Variants in POGLUT2 observed in about 807,000 individuals in gnomAD.
POGLUT2 encodes ER protein 58.
A neutral mutation model predicts 57.6 loss-of-function variants in POGLUT2; 47 were observed. The observed-to-expected ratio is 0.82, with a 90% confidence interval of 0.65 to 1.04. The LOEUF is 1.04. POGLUT2 is among the 50% of genes least tolerant of loss of function. The pLI is 0.00. For synonymous variants in POGLUT2, 200 were observed against 218.8 expected (o/e 0.91, Z 0.76); for missense variants, 565 against 614.8 (o/e 0.92, Z 0.86).
At chr13:102,785,121 A>T (rs1351113113) in intron 9 of POGLUT2, among the ~76,000 whole-genome samples, 1 of 152,228 alleles carries the variant, frequency 6.6e-6, no homozygotes, top group Non-Finnish European at 1.5e-5. Flanking sequence ...TGAGTTCTAT[A>T]AAAAACAAAG....
Position 102,798,535 on chromosome 13 carries a change from G to A in POGLUT2, c.136C>T (p.Pro46Ser), listed in dbSNP as rs955751312. 9.3e-6 allele frequency: 15 copies of A among 1,612,460 alleles called. No individual in the cohort carries two copies. The highest frequency in any genetic ancestry group is 1.7e-5 in the Admixed American group (1 of 59,858). ...GCCTGAATATAGAAATAGCGGGCGGGAAGGACGACGTCTGCTTTTAGCCCG... is the reference window on the plus strand; with the variant it reads ...GCCTGAATATAGAAATAGCGGGCGGAAAGGACGACGTCTGCTTTTAGCCCG... ...GPGLKADVVL[P>S]ARYFYIQAVD... Residue 46 changes from proline (P) to serine (S), a missense_variant, in exon 1 of 10, where the codon CCC becomes TCC. Transcript: ENST00000376004.
At chr13:102,796,293 CA>C (rs151064207) in intron 2 of POGLUT2, among the ~76,000 whole-genome samples, 1,974 of 100,684 alleles carry the variant, frequency 0.02, 47 homozygotes, top group African/African-American at 0.052. Context: ...GACTCTGCCT[CA>C]AAAAAAAAAA....
At chr13:102,793,553 A>C (rs775715783) in intron 3 of POGLUT2, 48 bp downstream of exon 3, 2 of 1,536,384 alleles carry the variant, frequency 1.3e-6, no homozygotes, top group Non-Finnish European at 1.8e-6. Context: ...TGTTCAAAAC[A>C]AGAAAAAAAA....
Position 102,786,244 on chromosome 13 carries a change from GCAAGTA to G in POGLUT2, c.1473_1478del (p.Thr492_Cys493del). 3.7e-6 allele frequency: 6 copies of G among 1,609,382 alleles called. No homozygotes were observed. Among genetic ancestry groups the G allele is most frequent in the Non-Finnish European group, 5.1e-6 (6 of 1,175,818 alleles). ...CAGTTCTGGTTACCTTTTTCCTATG[GCAAGTA>G]CAAGGGAAGAGGTCGTCCTCAGTCT... On this transcript the variant is annotated inframe_deletion, in exon 9 of 10. Transcript: ENST00000376004.
At chr13:102,792,279 G>C (rs1295476570) in intron 4 of POGLUT2, 1 of 198,060 alleles carries the variant, frequency 5.0e-6, no homozygotes, top group Non-Finnish European at 9.1e-6. Flanking sequence ...TATACATTTG[G>C]TAAAAATGTT....
Position 102,793,598 on chromosome 13 carries a change from T to A in POGLUT2, c.594+3A>T, listed in dbSNP as rs1475238052. The A allele has an allele frequency of 1.2e-6, 2 of 1,610,830 alleles. No homozygotes were observed. Among genetic ancestry groups the A allele is most frequent in the African/African-American group, 1.3e-5 (1 of 74,996 alleles). On this transcript the variant is annotated splice_donor_region_variant and intron_variant, in intron 3 of 9. Coordinates refer to ENST00000376004, the MANE Select transcript of POGLUT2 (RefSeq NM_024089.3). The stretch of plus-strand genomic sequence containing the variant: ...CAAACAAGCAAAAAATCATGTGTTG[T>A]ACCTTGTTATCCTTTAAGGTGTAGT...
rs775805878 is a variant in POGLUT2 at position 102,789,029 on chromosome 13, T to C, written c.1276A>G (p.Lys426Glu). 1.2e-6 allele frequency: 2 copies of C among 1,613,876 alleles called. No individual in the cohort carries two copies. ...SDLLEKLKWAKDHDEEAKKIA... is the reference protein window; with the variant it reads ...SDLLEKLKWAEDHDEEAKKIA... ...AACCTTACCTCTTCATCGTGATCTT[T>C]CGCCCATTTAAGTTTTTCTAGCAGA... The change falls in exon 7 of 10, where the codon AAA becomes GAA. Residue 426 changes from lysine (K) to glutamate (E), a missense_variant. By Grantham distance (56) the Lys-to-Glu change is moderately conservative. Transcript: ENST00000376004.
rs769547050 is a variant in POGLUT2, at chr13:102,793,826, A to G, written c.389-20T>C. On this transcript the variant is annotated intron_variant, in intron 2 of 9. Transcript: ENST00000376004. ...CCGGCCCTATTTACATAAGAATAACAAAGTACAACAGTGATCATTTCACTC... is the reference window on the plus strand; with the variant it reads ...CCGGCCCTATTTACATAAGAATAACGAAGTACAACAGTGATCATTTCACTC... The G allele has an allele frequency of 3.5e-5, 55 of 1,593,476 alleles. No individual in the cohort carries two copies. The highest frequency in any genetic ancestry group is 4.5e-5 in the Non-Finnish European group (52 of 1,161,368).
rs139056294 is a variant in POGLUT2 at position 102,793,405 on chromosome 13, G to A, written c.608C>T (p.Thr203Ile). 6.9e-5 allele frequency: 109 copies of A among 1,589,328 alleles called. No homozygotes were observed. Among genetic ancestry groups the A allele is most frequent in the Non-Finnish European group, 9.3e-5 (108 of 1,158,550 alleles). The change falls in exon 4 of 10, where the codon ACT becomes ATT. Residue 203 changes from threonine to isoleucine, a missense_variant. Transcript: ENST00000376004. ...TLKDNKVYIK[T>I]HGEHVGFRIF... ...TCTAAAACCTACATGTTCACCATGA[G>A]TCTTGATATAAACCTAAAAGAGAAT...
At chr13:102,792,130 T>TCTG in intron 4 of POGLUT2, 1 of 1,249,900 alleles carries the variant, frequency 8.0e-7, no homozygotes, top group Non-Finnish European at 1.0e-6. Flanking sequence ...TGATGCTATA[T>TCTG]AACTACCTAC....
chr13:102,797,608 G>C (rs888716992), intron 1 of POGLUT2, among the ~76,000 whole-genome samples: 1 of 150,558 alleles, frequency 6.6e-6, no homozygotes, highest in Non-Finnish European at 1.5e-5. Context: ...CAGGCGAGGT[G>C]GCACACGCCT....
chr13:102,786,124 A>C, intron 9 of POGLUT2, 108 bp downstream of exon 9: 1 of 725,138 alleles, frequency 1.4e-6, no homozygotes, highest in Non-Finnish European at 2.5e-6. Context: ...AGACCTCGAG[A>C]GGAACTCAAA....
intron 2 of POGLUT2, among the ~76,000 whole-genome samples, chr13:102,796,310 AAATAAAT>A (rs1656576184): frequency 8.6e-6 from 1 of 116,052 alleles, no homozygotes; most frequent in African/African-American, 3.2e-5. Context: ...AAAAAAAAAA[AAATAAAT>A]AAATAAATAA....
At position 102,790,997 on chromosome 13, in the gene POGLUT2, G is replaced by T. The variant is rs762854743; in HGVS notation, c.987C>A (p.Leu329=). 2 of 1,614,138 alleles carry T rather than the reference G, an allele frequency of 1.2e-6. No individual in the cohort carries two copies. The highest frequency in any genetic ancestry group is 3.3e-5 in the Admixed American group (2 of 60,024). ...AAAAGTTGGTGAAAGCAGCGTCTAT[G>T]AGTTCTGGGTGTTTTCTACTGAGTT... The part of the protein sequence containing the change: ...LVKLSRKHPE[L]IDAAFTNFFF... The change falls in exon 6 of 10, where the codon CTC becomes CTA. Residue 329 remains leucine (L), a synonymous_variant. Coordinates refer to ENST00000376004, the MANE Select transcript of POGLUT2 (RefSeq NM_024089.3).
intron 6 of POGLUT2, 107 bp from the exon 7 acceptor site, chr13:102,789,328 T>C (rs1878080788): frequency 4.3e-6 from 4 of 931,502 alleles, no homozygotes; most frequent in Non-Finnish European, 6.6e-6. Context: ...AGACACAATT[T>C]GGTCAGCTTC....
chr13:102,787,746 T>G, intron 8 of POGLUT2, 88 bp downstream of exon 8: 1 of 632,674 alleles, frequency 1.6e-6, no homozygotes, highest in East Asian at 2.8e-5. Flanking sequence ...TATAGTAACA[T>G]ATGTTTAGAA....
rs373785262 is a variant in POGLUT2 at position 102,793,449 on chromosome 13, G to C, written c.595-31C>G. On this transcript the variant is annotated intron_variant, in intron 3 of 9. Coordinates refer to ENST00000376004, the MANE Select transcript of POGLUT2 (RefSeq NM_024089.3). ...AGAGAATTTACCATTTATTATGTTA[G>C]TCTAAAGACGCTGGCAGACTTCACT... 6.3e-6 allele frequency: 9 copies of C among 1,422,576 alleles called. No individual in the cohort carries two copies. In the African/African-American group the frequency reaches 1.1e-4, roughly 18 times the overall value. The allele number at this position is 1,422,576 out of a possible 1,614,324, so 88.1% of individuals were successfully genotyped here. A position where few individuals can be genotyped will look rare whatever the true frequency, so the allele number is the denominator to read the frequency against.
intron 6 of POGLUT2, among the ~76,000 whole-genome samples, chr13:102,789,452 A>C (rs1053801404): frequency 2.6e-5 from 4 of 152,250 alleles, no homozygotes; most frequent in African/African-American, 9.6e-5. Context: ...CTAGTGTTGA[A>C]GCAGCGAATA....
In POGLUT2 at chr13:102,791,347, C is replaced by T. The variant is rs565805867; in HGVS notation, c.756G>A (p.Pro252=). The T allele has an allele frequency of 4.1e-5, 66 of 1,612,916 alleles. No homozygotes were observed. In the East Asian group the frequency reaches 7.8e-4, roughly 19 times the overall value. The change falls in exon 5 of 10, where the codon CCG becomes CCA. Residue 252 remains proline (P), a synonymous_variant. Transcript: ENST00000376004. ...CTGTGGAGCCACACCAGGAAAAGAT[C>T]GGATGGATGTTTGAATTGGATTTCT... ...EKKKSNSNIH[P]IFSWCGSTDS... is the part of the protein sequence containing the mutation.
Sources: allele counts gnomAD v4.1 joint callset (sites outside exome capture counted in the v4.1 genomes callset), GRCh38; gene constraint gnomAD v4.1.1; transcripts MANE v1.5; gene names NCBI Gene and HGNC (gene_info 2026-07-23, HGNC 2026-07-21).